Variants in GABRB1 observed in about 807,000 individuals in gnomAD.
GABRB1 encodes gamma-aminobutyric acid receptor subunit beta-1.
Under a neutral mutation model 51.6 loss-of-function variants are expected in GABRB1, and 17 were observed. That is an observed-to-expected ratio of 0.33 (90% confidence interval 0.23 to 0.49). The LOEUF (loss-of-function observed/expected upper bound fraction) is 0.49. GABRB1 is among the 20% of genes least tolerant of loss of function. The pLI is 0.99. For missense variants in GABRB1, 410 were observed against 600.6 expected (o/e 0.68, Z 3.32); for synonymous variants, 247 against 218.9 (o/e 1.13, Z -1.14).
chr4:47,417,152 G>A (rs1400826192), intron 8 of GABRB1, among the ~76,000 whole-genome samples: 2 of 151,998 alleles, frequency 1.3e-5, no homozygotes, highest in Non-Finnish European at 2.9e-5. Context: ...CTACATTATC[G>A]AGTGTAATCT....
chr4:47,040,676 A>T (rs1725802023), intron 3 of GABRB1, among the ~76,000 whole-genome samples: 1 of 152,206 alleles, frequency 6.6e-6, no homozygotes, highest in African/African-American at 2.4e-5. Context: ...GAATATTGAC[A>T]TCAATGAACT....
chr4:47,010,965 T>A lies in GABRB1; in HGVS notation c.-20+17039T>A, dbSNP rs530735516. Among the ~76,000 whole-genome samples the A allele has an allele frequency of 9.2e-5, 14 of 152,142 alleles. No homozygotes were observed. The South Asian group carries it at 2.3e-3, about 25-fold the overall frequency. On this transcript the variant is annotated intron_variant, in intron 1 of 3. Transcript: ENST00000513567. ...TTTTGAACCTGACACTTTTTTTTTTTAAACTCATTGCCACTGACAGAGAGT... is the reference window on the plus strand; with the variant it reads ...TTTTGAACCTGACACTTTTTTTTTTAAAACTCATTGCCACTGACAGAGAGT...
At chr4:47,305,525 G>GGCA (rs1724433554) in intron 4 of GABRB1, among the ~76,000 whole-genome samples, 1 of 152,052 alleles carries the variant, frequency 6.6e-6, no homozygotes, top group Non-Finnish European at 1.5e-5. Flanking sequence ...ACACTGAGCT[G>GGCA]GGCCCTAGTA....
At chr4:47,110,452 T>C (rs1318383941) in intron 3 of GABRB1, among the ~76,000 whole-genome samples, 1 of 152,208 alleles carries the variant, frequency 6.6e-6, no homozygotes, top group East Asian at 1.9e-4. Flanking sequence ...CATCAGAATA[T>C]ATCTTTTGAA....
chr4:47,223,871 A>G (rs1285620767), intron 4 of GABRB1, among the ~76,000 whole-genome samples: 7 of 152,184 alleles, frequency 4.6e-5, no homozygotes, highest in Non-Finnish European at 1.0e-4. Context: ...TCTCTCTTCC[A>G]CTAAAGCTAG....
chr4:47,208,796 G>A (rs1720240202), intron 4 of GABRB1, among the ~76,000 whole-genome samples: 1 of 151,994 alleles, frequency 6.6e-6, no homozygotes. Context: ...TATTCTTATG[G>A]TATTTTCATT....
intron 5 of GABRB1, among the ~76,000 whole-genome samples, chr4:47,360,543 G>A (rs1726769795): frequency 6.6e-6 from 1 of 152,024 alleles, no homozygotes; most frequent in African/African-American, 2.4e-5. Context: ...GAGTAAAAGT[G>A]CAGATAAAAC....
At chr4:47,395,811 G>GT (rs1299897396) in intron 5 of GABRB1, among the ~76,000 whole-genome samples, 1 of 152,062 alleles carries the variant, frequency 6.6e-6, no homozygotes, top group Non-Finnish European at 1.5e-5. Context: ...TCCCTCCAGA[G>GT]TTTTTTCATA....
At chr4:47,420,389 G>T (rs1250135624) in intron 8 of GABRB1, among the ~76,000 whole-genome samples, 1 of 152,148 alleles carries the variant, frequency 6.6e-6, no homozygotes, top group Non-Finnish European at 1.5e-5. Flanking sequence ...TGAGGGCACT[G>T]TGAGGAGTGG....
chr4:47,257,379 C>G (rs932699558), intron 4 of GABRB1, among the ~76,000 whole-genome samples: 2 of 152,126 alleles, frequency 1.3e-5, no homozygotes, highest in Admixed American at 1.3e-4. Context: ...CTTTGTGAAA[C>G]TCTCATCAGA....
At chr4:47,196,406 C>G (rs571883585) in intron 4 of GABRB1, among the ~76,000 whole-genome samples, 81 of 152,302 alleles carry the variant, frequency 5.3e-4, no homozygotes, top group South Asian at 2.1e-3. Context: ...CAGGGAGATC[C>G]AGCACTGGAT....
chr4:47,193,349 C>T (rs866437216), intron 4 of GABRB1, among the ~76,000 whole-genome samples: 1 of 152,068 alleles, frequency 6.6e-6, no homozygotes, highest in African/African-American at 2.4e-5. Flanking sequence ...CTGGAACTCC[C>T]GAACTCAGGT....
chr4:47,032,394 A>C, intron 2 of GABRB1, 23 bp from the exon 3 acceptor site: 1 of 1,568,318 alleles, frequency 6.4e-7, no homozygotes, highest in Non-Finnish European at 8.7e-7. Context: ...ATCTGTTCCT[A>C]ATGTGGCCCA....
intron 4 of GABRB1, among the ~76,000 whole-genome samples, chr4:47,257,068 G>A (rs1215223223): frequency 1.3e-5 from 2 of 152,072 alleles, no homozygotes; most frequent in Non-Finnish European, 2.9e-5. Flanking sequence ...TGTGTGGAAG[G>A]CTTCCATCTG....
chr4:47,019,391 A>T (rs1176382359), intron 1 of GABRB1, among the ~76,000 whole-genome samples: 1 of 151,956 alleles, frequency 6.6e-6, no homozygotes. Context: ...CTACGCTCAC[A>T]ATATTATTGA....
chr4:47,422,780 AC>A (rs1729131602), intron 8 of GABRB1, among the ~76,000 whole-genome samples: 1 of 152,100 alleles, frequency 6.6e-6, no homozygotes, highest in Admixed American at 6.6e-5. Context: ...AACCAAAATA[AC>A]AAACTCTTTT....
intron 4 of GABRB1, among the ~76,000 whole-genome samples, chr4:47,187,584 A>G (rs149128774): frequency 6.6e-6 from 1 of 151,744 alleles, no homozygotes; most frequent in African/African-American, 2.4e-5. Context: ...AATTATATGG[A>G]TCCTCCCATG....
chr4:47,383,820 T>TA (rs1219315649), intron 5 of GABRB1, among the ~76,000 whole-genome samples: 1 of 152,188 alleles, frequency 6.6e-6, no homozygotes, highest in Non-Finnish European at 1.5e-5. Context: ...GATATATTTC[T>TA]AGCTAAAGAT....
intron 5 of GABRB1, among the ~76,000 whole-genome samples, chr4:47,371,512 C>T (rs979028396): frequency 9.2e-5 from 14 of 152,318 alleles, no homozygotes; most frequent in Admixed American, 5.9e-4. Flanking sequence ...GAAATCATCA[C>T]GCTGTCTTCC....
Sources: gnomAD v4.1 joint callset for allele counts (sites outside exome capture counted in the v4.1 genomes callset) on GRCh38, gnomAD v4.1.1 for gene constraint, MANE v1.5 for transcripts, NCBI Gene and HGNC (gene_info 2026-07-23, HGNC 2026-07-21) for gene names.